PUM2: variants seen among roughly 807,000 people sequenced by gnomAD.
PUM2 encodes pumilio RNA binding family member 2.
Under a neutral mutation model 124.5 loss-of-function variants are expected in PUM2, and 57 were observed. That is an observed-to-expected ratio of 0.46 (90% CI 0.37 to 0.57). The LOEUF is 0.57. Ranked by LOEUF, PUM2 falls within the 20% of genes least tolerant of loss-of-function variation. The pLI is 0.00. For missense variants in PUM2, 1,065 were observed against 1,290.6 expected, an observed-to-expected ratio of 0.83 and a Z score of 2.68; for synonymous variants, 460 against 446.1, an observed-to-expected ratio of 1.03 and a Z score of -0.39.
chr2:20,340,037 T>A (rs1686924763), intron 1 of PUM2, among the ~76,000 whole-genome samples: 1 of 152,038 alleles, frequency 6.6e-6, no homozygotes, highest in Non-Finnish European at 1.5e-5. Flanking sequence ...TTAAAGCCAA[T>A]ATATTTGACA....
At chr2:20,296,491 T>C (rs937729605) in intron 8 of PUM2, among the ~76,000 whole-genome samples, 11 of 129,852 alleles carry the variant, frequency 8.5e-5, no homozygotes, top group East Asian at 2.1e-4. Flanking sequence ...CGAGACTCTG[T>C]CTCAAAAAAA....
intron 19 of PUM2, 32 bp from the exon 20 acceptor site, chr2:20,254,046 T>C: frequency 6.4e-7 from 1 of 1,571,354 alleles, no homozygotes. Context: ...CAAAGATTTG[T>C]TATTTTTTTC....
chr2:20,275,845 GA>G (rs1363406623), intron 13 of PUM2, among the ~76,000 whole-genome samples: 2 of 151,970 alleles, frequency 1.3e-5, no homozygotes, highest in Non-Finnish European at 2.9e-5. Context: ...AAAAAAAGAT[GA>G]AGGAAAAACA....
In PUM2 at chr2:20,293,458, C is replaced by T. The variant is rs144267564; in HGVS notation, c.1152+918G>A. 5.8e-3 allele frequency among the ~76,000 whole-genome samples: 887 copies of T among 152,230 alleles called. 6 individuals carry two copies. The highest frequency in any genetic ancestry group is 8.2e-3 in the Non-Finnish European group (557 of 68,016). Reference sequence around the variant, plus strand: ...GAGCGGTGGCTCACGCCTATAATTCCGGCACTTTGAAAGGTCGAGGTGGGT... The same window carrying T: ...GAGCGGTGGCTCACGCCTATAATTCTGGCACTTTGAAAGGTCGAGGTGGGT... On this transcript the variant is annotated intron_variant, in intron 9 of 20. Transcript: ENST00000361078.
intron 1 of PUM2, among the ~76,000 whole-genome samples, chr2:20,337,909 A>G (rs1226890912): frequency 6.6e-6 from 1 of 152,184 alleles, no homozygotes; most frequent in African/African-American, 2.4e-5. Flanking sequence ...CACATTATAT[A>G]TAATTCTCAC....
Position 20,283,199 on chromosome 2 carries a change from T to C in PUM2, c.1468A>G (p.Ser490Gly). 6.2e-7 allele frequency: 1 copy of C among 1,613,762 alleles called. No individual in the cohort carries two copies. Among genetic ancestry groups the C allele is most frequent in the Non-Finnish European group, 8.5e-7 (1 of 1,179,686 alleles). Reference protein sequence around the residue: ...AAAAAGGTASSLTGSTNGLFR... With the variant: ...AAAAAGGTASGLTGSTNGLFR... ...AGACCATTTGTGCTGCCTGTAAGGC[T>C]ACTTGCAGTTCCTCCAGCTGCTGCT... The change falls in exon 12 of 21, where the codon AGC (serine) becomes GGC (glycine). Residue 490 changes from serine (S) to glycine (G), a missense_variant. By Grantham distance (56) the Ser-to-Gly change is moderately conservative. Transcript: ENST00000361078.
At chr2:20,317,200 G>C (rs1205226115) in intron 3 of PUM2, among the ~76,000 whole-genome samples, 1 of 150,270 alleles carries the variant, frequency 6.7e-6, no homozygotes, top group Non-Finnish European at 1.5e-5. Flanking sequence ...CTCTTAAAAA[G>C]GAAAAAAAAA....
chr2:20,318,556 C>A lies in PUM2; in HGVS notation c.141G>T (p.Glu47Asp). 6.2e-7 allele frequency: 1 copy of A among 1,612,508 alleles called. No homozygotes were observed. The highest frequency in any genetic ancestry group is 1.1e-5 in the South Asian group (1 of 90,932). ...ACTTACGAGAAGCTCCCCATGCAGT[C>A]TCTCTCCATTCATCATCCCCAAGAA... is the stretch of plus-strand genomic sequence containing the variant. ...GIFLGDDEWR[E>D]TAWGASHHSM... is the part of the protein sequence containing the mutation. Residue 47 changes from glutamate to aspartate, a missense_variant, in exon 3 of 21, where the codon GAG (glutamate) becomes GAT (aspartate). Glu to Asp is a conservative substitution (Grantham distance 45, BLOSUM62 2). Around this residue, in one of 3 missense-constraint regions of PUM2, gnomAD observed 90 missense variants for 103.6 expected, o/e 0.87. Coordinates refer to ENST00000361078, the MANE Select transcript of PUM2 (RefSeq NM_015317.5).
At chr2:20,257,012 C>T (rs1664936371) in intron 16 of PUM2, among the ~76,000 whole-genome samples, 1 of 133,326 alleles carries the variant, frequency 7.5e-6, no homozygotes. Context: ...CCACTGCACT[C>T]CAGCCTGGGC....
intron 13 of PUM2, among the ~76,000 whole-genome samples, chr2:20,269,278 G>A (rs1040421330): frequency 2.0e-5 from 3 of 152,010 alleles, no homozygotes; most frequent in Non-Finnish European, 2.9e-5. Flanking sequence ...TCAGCTTACT[G>A]CAAGCTCCGC....
intron 10 of PUM2, among the ~76,000 whole-genome samples, chr2:20,286,107 T>TCAGG (rs974744204): frequency 6.6e-6 from 1 of 152,174 alleles, no homozygotes; most frequent in Admixed American, 6.5e-5. Flanking sequence ...TACTCTGACT[T>TCAGG]CAGGCAGGAA....
intron 8 of PUM2, 44 bp from the exon 9 acceptor site, chr2:20,294,562 T>C: frequency 6.4e-7 from 1 of 1,551,958 alleles, no homozygotes; most frequent in Non-Finnish European, 8.7e-7. Context: ...TACTAGATTT[T>C]ACATAGACAT....
At chr2:20,348,845 T>C (rs1573062737) in intron 1 of PUM2, among the ~76,000 whole-genome samples, 1 of 152,326 alleles carries the variant, frequency 6.6e-6, no homozygotes, top group Non-Finnish European at 1.5e-5. Context: ...GGAAGAACAG[T>C]TGCAGCCCGG....
At chr2:20,256,721 A>T (rs1486151857) in intron 16 of PUM2, among the ~76,000 whole-genome samples, 2 of 152,182 alleles carry the variant, frequency 1.3e-5, no homozygotes, top group Non-Finnish European at 2.9e-5. Context: ...AATGTCAGGT[A>T]TCTTTGTTCT....
intron 20 of PUM2, among the ~76,000 whole-genome samples, chr2:20,252,344 G>C (rs1028179152): frequency 6.6e-6 from 1 of 152,314 alleles, no homozygotes; most frequent in African/African-American, 2.4e-5. Context: ...CCAGGAAGTT[G>C]AGGCTAGAGT....
chr2:20,258,169 G>C (rs1665267235), intron 16 of PUM2, 74 bp downstream of exon 16: 2 of 1,337,304 alleles, frequency 1.5e-6, no homozygotes, highest in Non-Finnish European at 2.0e-6. Flanking sequence ...CAAGATTACT[G>C]TAAGATTAAA....
intron 7 of PUM2, among the ~76,000 whole-genome samples, chr2:20,304,189 G>A (rs968021602): frequency 2.0e-5 from 3 of 152,088 alleles, no homozygotes; most frequent in African/African-American, 7.2e-5. Context: ...GAACTGCATA[G>A]GCCCCTTTTT....
chr2:20,264,238 G>C (rs1282222256), intron 13 of PUM2, among the ~76,000 whole-genome samples: 7 of 147,018 alleles, frequency 4.8e-5, no homozygotes. Context: ...TCAGGAGGCT[G>C]AGGCAGGAGA....
chr2:20,317,887 G>A (rs1457028301), intron 3 of PUM2, among the ~76,000 whole-genome samples: 3 of 152,046 alleles, frequency 2.0e-5, no homozygotes, highest in Admixed American at 1.3e-4. Flanking sequence ...TTTCATGGCT[G>A]CATAGTGTTC....
Sources: gnomAD v4.1 joint callset for allele counts (sites outside exome capture counted in the v4.1 genomes callset) on GRCh38, gnomAD v4.1.1 for gene constraint, gnomAD v4.1.1 regional missense constraint, MANE v1.5 for transcripts, NCBI Gene and HGNC (gene_info 2026-07-23, HGNC 2026-07-21) for gene names.